The following GAD2 variants were observed in gnomAD, a reference collection of about 807,000 sequenced individuals.
GAD2 encodes the protein 65 kDa glutamic acid decarboxylase.
Under a neutral mutation model 80.1 loss-of-function variants are expected in GAD2, and 22 were observed. The observed-to-expected ratio is 0.27, with a 90% confidence interval of 0.20 to 0.39. The LOEUF is 0.39. Among genes scored for constraint, GAD2 ranks in the 10% least tolerant of loss-of-function variants. The pLI, the probability that GAD2 is intolerant of heterozygous loss-of-function variation, is 1.00. For synonymous variants in GAD2, 274 were observed against 256.9 expected, an observed-to-expected ratio of 1.07 and a Z score of -0.64; for missense variants, 624 against 738.4, an observed-to-expected ratio of 0.85 and a Z score of 1.80.
At chr10:26,240,967 G>A (rs140252926) in intron 7 of GAD2, among the ~76,000 whole-genome samples, 3,800 of 149,688 alleles carry the variant, frequency 0.025, 144 homozygotes, top group African/African-American at 0.087. Context: ...GCGTGAATCC[G>A]GGAAGCGGAG....
chr10:26,258,596 C>T (rs73594336), intron 8 of GAD2, among the ~76,000 whole-genome samples: 42 of 152,250 alleles, frequency 2.8e-4, no homozygotes, highest in African/African-American at 1.0e-3. Context: ...ACGAATTTTA[C>T]TACTATGGGT....
intron 6 of GAD2, among the ~76,000 whole-genome samples, chr10:26,226,041 A>G (rs1351067344): frequency 6.6e-6 from 1 of 152,094 alleles, no homozygotes; most frequent in Non-Finnish European, 1.5e-5. Context: ...TATAGGATTG[A>G]TCTGTCCCTG....
chr10:26,234,456 C>T (rs141830019), intron 7 of GAD2, among the ~76,000 whole-genome samples: 1 of 152,294 alleles, frequency 6.6e-6, no homozygotes, highest in African/African-American at 2.4e-5. Context: ...TTCGAAGCCT[C>T]AGTAATTTCT....
intron 5 of GAD2, 152 bp from the exon 6 acceptor site, chr10:26,224,387 T>C: frequency 1.5e-6 from 1 of 656,972 alleles, no homozygotes. Flanking sequence ...TTGGAAGGCC[T>C]TTTTGAAATA....
In GAD2 at chr10:26,301,015, C is replaced by T. The variant is rs41279914; in HGVS notation, c.*54C>T. On this transcript the variant is annotated 3_prime_UTR_variant, in exon 16 of 16. Transcript: ENST00000376261. Reference sequence around the variant, plus strand: ...CTCTAGGTAGACAATTAAGTTGTCACAAACTGTGTGAATGTATTTGTAGTT... The same window carrying T: ...CTCTAGGTAGACAATTAAGTTGTCATAAACTGTGTGAATGTATTTGTAGTT... 5.7e-3 allele frequency: 8,070 copies of T among 1,416,116 alleles called. 39 individuals are homozygous for T. Among genetic ancestry groups the T allele is most frequent in the Non-Finnish European group, 7.2e-3 (7,209 of 1,004,780 alleles). The allele number at this position is 1,416,116 out of a possible 1,614,324, so 87.7% of individuals were successfully genotyped here. A position where few individuals can be genotyped will look rare whatever the true frequency, so the allele number is the denominator to read the frequency against.
At chr10:26,225,015 G>C in intron 6 of GAD2, among the ~76,000 whole-genome samples, 1 of 152,148 alleles carries the variant, frequency 6.6e-6, no homozygotes, top group Admixed American at 6.5e-5. Flanking sequence ...AAAGGAAATG[G>C]GTAGCCTCAT....
rs1435869358 is a variant in GAD2 at position 26,300,973 on chromosome 10, A to G, written c.*12A>G. The G allele has an allele frequency of 6.2e-7, 1 of 1,609,048 alleles. No individual in the cohort carries two copies. The highest frequency in any genetic ancestry group is 8.5e-7 in the Non-Finnish European group (1 of 1,175,770). ...GACAAGATTTATAATAACCTTGCTC[A>G]CCAAGCTGTTCCACTTCTCTAGGTA... On this transcript the variant is annotated 3_prime_UTR_variant, in exon 16 of 16. Coordinates refer to ENST00000376261, the MANE Select transcript of GAD2 (RefSeq NM_001134366.2).
At chr10:26,225,017 T>C (rs192969897) in intron 6 of GAD2, among the ~76,000 whole-genome samples, 10 of 152,322 alleles carry the variant, frequency 6.6e-5, no homozygotes, top group African/African-American at 2.4e-4. Context: ...AGGAAATGGG[T>C]AGCCTCATTT....
At chr10:26,295,200 G>T (rs963862813) in intron 15 of GAD2, among the ~76,000 whole-genome samples, 2 of 152,134 alleles carry the variant, frequency 1.3e-5, no homozygotes, top group African/African-American at 2.4e-5. Context: ...GAAGAATGGG[G>T]ATGGAGATTA....
chr10:26,265,011 G>C (rs1845053491), intron 8 of GAD2, among the ~76,000 whole-genome samples: 1 of 152,114 alleles, frequency 6.6e-6, no homozygotes, highest in Non-Finnish European at 1.5e-5. Flanking sequence ...TCTTTGGTAA[G>C]ATAATCAGTT....
At chr10:26,276,208 C>T (rs1845200102) in intron 11 of GAD2, among the ~76,000 whole-genome samples, 1 of 151,696 alleles carries the variant, frequency 6.6e-6, no homozygotes, top group Non-Finnish European at 1.5e-5. Flanking sequence ...ATGGCACAAA[C>T]ACCTGGAGCC....
chr10:26,224,414 A>G, intron 5 of GAD2, 125 bp from the exon 6 acceptor site: 1 of 707,266 alleles, frequency 1.4e-6, no homozygotes, highest in Non-Finnish European at 2.5e-6. Flanking sequence ...TCTCTGCTTA[A>G]TGTTATAATC....
At chr10:26,266,551 A>G (rs1344298212) in intron 8 of GAD2, among the ~76,000 whole-genome samples, 6 of 152,212 alleles carry the variant, frequency 3.9e-5, no homozygotes, top group African/African-American at 1.4e-4. Flanking sequence ...ACCACCTGCC[A>G]TATGTCAGGC....
At chr10:26,230,616 A>G (rs1844589584) in intron 7 of GAD2, among the ~76,000 whole-genome samples, 2 of 151,922 alleles carry the variant, frequency 1.3e-5, no homozygotes, top group Non-Finnish European at 2.9e-5. Flanking sequence ...TCTATTTTTT[A>G]TAGAGACAGG....
At chr10:26,269,562 G>A (rs900289934) in intron 9 of GAD2, among the ~76,000 whole-genome samples, 2 of 152,216 alleles carry the variant, frequency 1.3e-5, no homozygotes, top group African/African-American at 2.4e-5. Context: ...TCCCGTGTAG[G>A]TGCATGCTGT....
intron 8 of GAD2, among the ~76,000 whole-genome samples, chr10:26,262,684 CT>C (rs1456702782): frequency 1.3e-5 from 2 of 152,270 alleles, no homozygotes; most frequent in African/African-American, 4.8e-5. Flanking sequence ...ACATTTTCCT[CT>C]GAGAATGATT....
At chr10:26,246,048 A>G (rs746378017) in intron 8 of GAD2, 48 bp downstream of exon 8, 1 of 1,506,966 alleles carries the variant, frequency 6.6e-7, no homozygotes. Flanking sequence ...TGCAAATTCC[A>G]CACAAGTAGT....
chr10:26,231,334 A>G (rs982810213), intron 7 of GAD2, among the ~76,000 whole-genome samples: 6 of 152,024 alleles, frequency 3.9e-5, no homozygotes, highest in African/African-American at 1.2e-4. Context: ...TCTATTTCCT[A>G]TTTTAAGTGA....
At chr10:26,219,365 T>A in intron 4 of GAD2, 89 bp downstream of exon 4, 1 of 845,870 alleles carries the variant, frequency 1.2e-6, no homozygotes, top group Non-Finnish European at 1.8e-6. Context: ...TTGATGGAGT[T>A]ACTGATATTT....
Sources: gnomAD v4.1 joint callset for allele counts (sites outside exome capture counted in the v4.1 genomes callset) on GRCh38, gnomAD v4.1.1 for gene constraint, MANE v1.5 for transcripts, NCBI Gene and HGNC (gene_info 2026-07-23, HGNC 2026-07-21) for gene names.